SULT1A1: variants seen among roughly 807,000 people sequenced by gnomAD.
SULT1A1 encodes sulfotransferase family 1A member 1.
In SULT1A1, 35 loss-of-function variants were observed where a neutral mutation model predicts 36.8. The observed-to-expected ratio is 0.95, with a 90% CI of 0.73 to 1.26. The LOEUF (loss-of-function observed/expected upper bound fraction) is 1.26. Ranked by LOEUF, SULT1A1 falls within the 50% of genes most tolerant of loss-of-function variation. The pLI is 0.00. For synonymous variants in SULT1A1, 119 were observed against 146.0 expected (o/e 0.82, Z 1.33); for missense variants, 309 against 383.0 (o/e 0.81, Z 1.61).
chr16:28,620,022 C>T (rs1346449646), intron 2 of SULT1A1: 2 of 1,548,738 alleles, frequency 1.3e-6, no homozygotes, highest in East Asian at 4.6e-5. Context: ...TATATACACA[C>T]ACAAAAAGAT....
intron 1 of SULT1A1, chr16:28,609,496 G>T: frequency 9.8e-7 from 1 of 1,023,474 alleles, no homozygotes; most frequent in Non-Finnish European, 1.3e-6. Context: ...AGGCAGGGTG[G>T]CTCCCACCTA....
At chr16:28,623,357 G>A (rs1390887028) in exon 1 of SULT1A1, 6 of 1,491,032 alleles carry the variant, frequency 4.0e-6, no homozygotes, top group South Asian at 1.3e-5. Flanking sequence ...CCCCGGCGGA[G>A]ACGAGCGAGC....
rs374880873 is a variant in SULT1A1 at position 28,620,052 on chromosome 16, G to A, written c.138+11C>T. 128 of 1,609,132 alleles carry A rather than the reference G, an allele frequency of 8.0e-5. 1 individual carries two copies. The highest frequency in any genetic ancestry group is 2.3e-4 in the Admixed American group (14 of 59,750). ...AAAGATACTGATAACATTTTCAAAC[G>A]CCTGTCTTACCATATAGGTGTTCCA... On this transcript the variant is annotated intron_variant, in intron 2 of 5. Transcript: ENST00000350842.
chr16:28,619,213 A>G (rs2047603868), intron 2 of SULT1A1, among the ~76,000 whole-genome samples: 1 of 152,024 alleles, frequency 6.6e-6, no homozygotes, highest in East Asian at 1.9e-4. Context: ...GGGTTTCACC[A>G]TATTGGCCAG....
At position 28,605,864 on chromosome 16, in the gene SULT1A1, T is replaced by G; in HGVS notation, c.845A>C (p.Glu282Ala). The G allele has an allele frequency of 6.2e-7, 1 of 1,609,562 alleles. No homozygotes were observed. The highest frequency in any genetic ancestry group is 1.1e-5 in the South Asian group (1 of 90,860). ...QNERFDADYA[E>A]KMAGCSLSFR... is the part of the protein sequence containing the mutation. The stretch of plus-strand genomic sequence containing the variant: ...GCTGAGGCTGCAGCCTGCCATCTTC[T>G]CCGCATAGTCCGCATCGAAGCGCTC... The change falls in exon 8 of 8, where the codon GAG (glutamate) becomes GCG (alanine). Residue 282 changes from glutamate to alanine, a missense_variant. By Grantham distance (107) the Glu-to-Ala change is moderately radical. Around this residue, in one of 3 missense-constraint regions of SULT1A1, gnomAD observed 67 missense variants for 122.0 expected, o/e 0.55. Coordinates refer to ENST00000314752, the MANE Select transcript of SULT1A1 (RefSeq NM_001055.4).
upstream of SULT1A1, chr16:28,610,259 T>TTATG: frequency 8.8e-7 from 1 of 1,131,550 alleles, no homozygotes; most frequent in Non-Finnish European, 1.1e-6. Context: ...AGGTTTTTTT[T>TTATG]TTCTGTTTTT....
At chr16:28,609,854 G>A in intron 1 of SULT1A1, 77 bp downstream of exon 1, 2 of 1,210,244 alleles carry the variant, frequency 1.7e-6, no homozygotes, top group African/African-American at 1.6e-5. Flanking sequence ...GATGCCAGAG[G>A]CCTCAGCTTC....
At chr16:28,623,354 G>A (rs2047696645) in exon 1 of SULT1A1, 2 of 1,492,254 alleles carry the variant, frequency 1.3e-6, no homozygotes, top group Non-Finnish European at 8.9e-7. Flanking sequence ...CGTCCCCGGC[G>A]GAGACGAGCG....
chr16:28,606,543 C>A (rs1213688718), intron 6 of SULT1A1, among the ~76,000 whole-genome samples: 3 of 151,858 alleles, frequency 2.0e-5, no homozygotes, highest in Non-Finnish European at 4.4e-5. Flanking sequence ...TGATCCGTGG[C>A]CCCCCATGCA....
In SULT1A1 at chr16:28,608,799, C is replaced by T. The variant is rs34513973; in HGVS notation, c.57G>A (p.Pro19=). 0.055 allele frequency: 87,362 copies of T among 1,602,870 alleles called. 933 individuals are homozygous for T. Among genetic ancestry groups the T allele is most frequent in the East Asian group, 0.11 (4,810 of 43,144 alleles). ...RPPLEYVKGV[P]LIKYFAEALG... ...GTGCCTCTGCAAAGTACTTGATGAG[C>T]GGGACCCCCTTCACGTACTCCAGTG... The change falls in exon 2 of 8, where the codon CCG becomes CCA. Residue 19 remains proline, a synonymous_variant. Coordinates refer to ENST00000314752, the MANE Select transcript of SULT1A1 (RefSeq NM_001055.4).
In SULT1A1 at chr16:28,606,741, A is replaced by G; in HGVS notation, c.594+20T>C. 6.2e-7 allele frequency: 1 copy of G among 1,610,972 alleles called. No individual in the cohort carries two copies. The highest frequency in any genetic ancestry group is 1.3e-5 in the African/African-American group (1 of 74,972). Reference sequence around the variant, plus strand: ...TGCCCCCAGGAGTCACATGGAGGGAAGCATCGCACGTGGTCTCACCTCCTT... The same window carrying G: ...TGCCCCCAGGAGTCACATGGAGGGAGGCATCGCACGTGGTCTCACCTCCTT... On this transcript the variant is annotated intron_variant, in intron 6 of 7. Coordinates refer to ENST00000314752, the MANE Select transcript of SULT1A1 (RefSeq NM_001055.4).
At chr16:28,607,425 GT>G (rs1224453968) in intron 4 of SULT1A1, 1 of 260,196 alleles carries the variant, frequency 3.8e-6, no homozygotes, top group Non-Finnish European at 7.6e-6. Context: ...AGAGTCTTAC[GT>G]TCTTGGTCAT....
At chr16:28,617,513 C>T (rs574857736) in intron 2 of SULT1A1, among the ~76,000 whole-genome samples, 1 of 152,124 alleles carries the variant, frequency 6.6e-6, no homozygotes, top group South Asian at 2.1e-4. Flanking sequence ...ACACCTAGGA[C>T]AGCACCTGGA....
At chr16:28,617,802 TTACA>T (rs887419249) in intron 2 of SULT1A1, among the ~76,000 whole-genome samples, 31 of 152,154 alleles carry the variant, frequency 2.0e-4, no homozygotes, top group African/African-American at 7.2e-4. Context: ...AGTGCTGGGA[TTACA>T]GGTGTGAGTT....
chr16:28,610,133 C>T (rs1400102905), upstream of SULT1A1: 1 of 1,285,770 alleles, frequency 7.8e-7, no homozygotes, highest in Non-Finnish European at 1.0e-6. Context: ...CCATTACCCT[C>T]CTTAGTGTGC....
intron 6 of SULT1A1, among the ~76,000 whole-genome samples, 160 bp from the exon 7 acceptor site, chr16:28,606,396 A>T (rs1180394689): frequency 6.6e-6 from 1 of 151,846 alleles, no homozygotes; most frequent in Non-Finnish European, 1.5e-5. Context: ...GGGGGTAAAA[A>T]GAATTGCTGT....
At chr16:28,608,006 T>G in intron 4 of SULT1A1, 1 of 255,030 alleles carries the variant, frequency 3.9e-6, no homozygotes, top group Non-Finnish European at 7.4e-6. Context: ...TTATTTATTT[T>G]TGTGAGTTTT....
intron 6 of SULT1A1, 54 bp downstream of exon 6, chr16:28,606,707 T>G (rs2047205337): frequency 1.3e-6 from 2 of 1,599,350 alleles, no homozygotes; most frequent in African/African-American, 1.3e-5. Context: ...CGGGTCCCTG[T>G]GAGGTGCCTG....
chr16:28,608,036 G>A (rs770681445), intron 4 of SULT1A1: 24 of 437,684 alleles, frequency 5.5e-5, no homozygotes, highest in East Asian at 1.1e-4. Context: ...GCTCAGGCTG[G>A]AATGCAATGG....
Sources: gnomAD v4.1 joint callset for allele counts (sites outside exome capture counted in the v4.1 genomes callset) on GRCh38, gnomAD v4.1.1 for gene constraint, gnomAD v4.1.1 regional missense constraint, MANE v1.5 for transcripts, NCBI Gene and HGNC (gene_info 2026-07-23, HGNC 2026-07-21) for gene names.